Variants in CDK6 observed in about 807,000 individuals in gnomAD.
CDK6 encodes cyclin dependent kinase 6.
In CDK6, 6 loss-of-function variants were observed where a neutral mutation model predicts 37.1. The observed-to-expected ratio is 0.16, with a 90% CI of 0.09 to 0.32. The LOEUF (loss-of-function observed/expected upper bound fraction) is 0.32. CDK6 is among the 10% of genes least tolerant of loss of function. The probability of loss-of-function intolerance (pLI) is 1.00; values close to 1 mark genes in which losing one functional copy is unlikely to be tolerated. For synonymous variants in CDK6, 160 were observed against 161.3 expected (o/e 0.99, Z 0.06); for missense variants, 224 against 418.9 (o/e 0.53, Z 4.06).
At chr7:92,816,770 A>C (rs1223066826) in intron 2 of CDK6, among the ~76,000 whole-genome samples, 1 of 152,058 alleles carries the variant, frequency 6.6e-6, no homozygotes, top group Non-Finnish European at 1.5e-5. Flanking sequence ...TTAATGAAAC[A>C]AAAAACTGGA....
intron 2 of CDK6, among the ~76,000 whole-genome samples, chr7:92,824,259 C>CAT (rs1801255016): frequency 6.6e-6 from 1 of 151,756 alleles, no homozygotes; most frequent in African/African-American, 2.4e-5. Flanking sequence ...TTTTAAATGT[C>CAT]ATAAGTCAGT....
chr7:92,630,594 T>C (rs564928772), intron 5 of CDK6, among the ~76,000 whole-genome samples: 1 of 152,084 alleles, frequency 6.6e-6, no homozygotes, highest in Non-Finnish European at 1.5e-5. Context: ...TATTAAAAAA[T>C]TGGAGGCAAG....
chr7:92,638,409 T>C (rs560027798), intron 5 of CDK6, among the ~76,000 whole-genome samples: 1 of 152,196 alleles, frequency 6.6e-6, no homozygotes, highest in Non-Finnish European at 1.5e-5. Flanking sequence ...ACCCACTCAT[T>C]TGAGGCTGAA....
chr7:92,717,971 C>A (rs895080355), intron 4 of CDK6, among the ~76,000 whole-genome samples: 1 of 152,120 alleles, frequency 6.6e-6, no homozygotes, highest in Admixed American at 6.5e-5. Context: ...GTTTTATTAC[C>A]ACTGAGAACG....
In CDK6 at chr7:92,695,270, G is replaced by A. The variant is rs1797689626; in HGVS notation, c.538-23735C>T. Reference sequence around the variant, plus strand: ...TTGTTGGTGATTAAGGGACCCTGAGGTAAAAAAAAAAAAAAGAAAGAAAGA... The same window carrying A: ...TTGTTGGTGATTAAGGGACCCTGAGATAAAAAAAAAAAAAAGAAAGAAAGA... On this transcript the variant is annotated intron_variant, in intron 4 of 7. Transcript: ENST00000424848. 5.2e-5 allele frequency among the ~76,000 whole-genome samples: 7 copies of A among 134,338 alleles called. No individual in the cohort carries two copies. The South Asian group carries it at 1.3e-3, about 26-fold the overall frequency. The allele number at this position is 134,338 out of a possible 152,430, so 88.1% of individuals were successfully genotyped here. A position where few individuals can be genotyped will look rare whatever the true frequency, so the allele number is the denominator to read the frequency against.
chr7:92,716,239 G>C (rs949391488), intron 4 of CDK6, among the ~76,000 whole-genome samples: 2 of 152,226 alleles, frequency 1.3e-5, no homozygotes, highest in Non-Finnish European at 2.9e-5. Flanking sequence ...GCAGGGAGTT[G>C]TGAAAGCAAT....
intron 2 of CDK6, among the ~76,000 whole-genome samples, chr7:92,790,408 C>T (rs1800252840): frequency 6.6e-6 from 1 of 152,126 alleles, no homozygotes; most frequent in Non-Finnish European, 1.5e-5. Flanking sequence ...GTACTCATCC[C>T]CTACTCTGGT....
Position 92,835,041 on chromosome 7 carries a change from G to T in CDK6, c.-367-1351C>A, listed in dbSNP as rs565967648. 1.3e-5 allele frequency: 2 copies of T among 152,360 alleles called. No individual in the cohort carries two copies. Among genetic ancestry groups the T allele is most frequent in the African/African-American group, 2.4e-5 (1 of 41,568 alleles). The allele number at this position is 152,360 out of a possible 1,614,324, so 9.4% of individuals were successfully genotyped here. The stretch of plus-strand genomic sequence containing the variant: ...CCTCGGAATTACCTGCCTCGCAACC[G>T]CTGGCCCGCTCGCCTTTTGCCAGGA... On this transcript the variant is annotated intron_variant, in intron 1 of 7. Coordinates refer to ENST00000424848, the MANE Select transcript of CDK6 (RefSeq NM_001145306.2). This position sits in a 1 kb window ranked among gnomAD's most constrained non-coding sequence, Gnocchi z 4.2.
chr7:92,757,835 A>G (rs1026871615), intron 3 of CDK6, among the ~76,000 whole-genome samples: 2 of 152,160 alleles, frequency 1.3e-5, no homozygotes, highest in African/African-American at 4.8e-5. Flanking sequence ...TGACTTTTTA[A>G]TAATAGCCAT....
intron 2 of CDK6, among the ~76,000 whole-genome samples, chr7:92,778,110 C>CA (rs1799895633): frequency 6.6e-6 from 1 of 151,354 alleles, no homozygotes; most frequent in Non-Finnish European, 1.5e-5. Flanking sequence ...AAACCAAAAC[C>CA]AAAAACAAAA....
chr7:92,641,603 G>A (rs567739392), intron 5 of CDK6, among the ~76,000 whole-genome samples: 9 of 152,124 alleles, frequency 5.9e-5, no homozygotes, highest in African/African-American at 2.2e-4. Context: ...TTAAATGAAA[G>A]AACATAATAC....
rs3731340 is a variant in CDK6 at position 92,644,742 on chromosome 7, C to T, written c.648-21656G>A. 3.6e-3 allele frequency among the ~76,000 whole-genome samples: 544 copies of T among 152,324 alleles called. 3 individuals carry two copies. Among genetic ancestry groups the T allele is most frequent in the African/African-American group, 0.012 (504 of 41,556 alleles). ...AGGTATTCCACTGGTTCACACATTA[C>T]CAGGACCTTAGAGGTTTCTTCTATC... On this transcript the variant is annotated intron_variant, in intron 5 of 7. Coordinates refer to ENST00000424848, the MANE Select transcript of CDK6 (RefSeq NM_001145306.2).
chr7:92,606,402 G>A lies in CDK6; in HGVS notation c.*8738C>T, dbSNP rs1238708982. The A allele has an allele frequency of 8.6e-6, 2 of 233,330 alleles. No homozygotes were observed. The highest frequency in any genetic ancestry group is 1.7e-5 in the Non-Finnish European group (2 of 118,154). 14.5% of individuals were successfully genotyped at this position (233,330 alleles called of 1,614,324 possible). ...CCAGGCCTAGACAGGCACACCTGTG[G>A]TCCATGATGTGGAGGAAGATGGAGA... On this transcript the variant is annotated 3_prime_UTR_variant, in exon 8 of 8. Coordinates refer to ENST00000424848, the MANE Select transcript of CDK6 (RefSeq NM_001145306.2).
At chr7:92,768,209 C>T (rs1032664320) in intron 3 of CDK6, among the ~76,000 whole-genome samples, 11 of 151,922 alleles carry the variant, frequency 7.2e-5, no homozygotes, top group African/African-American at 2.7e-4. Flanking sequence ...ACAGTGAAAA[C>T]AAAGGATATA....
intron 2 of CDK6, among the ~76,000 whole-genome samples, chr7:92,778,012 T>A (rs1182465481): frequency 2.0e-5 from 3 of 151,996 alleles, no homozygotes; most frequent in African/African-American, 7.3e-5. Flanking sequence ...GTTCACCATG[T>A]CATCCTTCTG....
intron 3 of CDK6, among the ~76,000 whole-genome samples, chr7:92,731,083 T>C (rs10228493): frequency 0.18 from 27,146 of 150,906 alleles, 3,832 homozygotes; most frequent in African/African-American, 0.4. Context: ...GTCTGCATTC[T>C]GGGAGAATCT....
At position 92,833,930 on chromosome 7, in the gene CDK6, C is replaced by A. The variant is rs1186902342; in HGVS notation, c.-367-240G>T. 2.5e-6 allele frequency: 1 copy of A among 398,772 alleles called. No homozygotes were observed. The highest frequency in any genetic ancestry group is 4.4e-6 in the Non-Finnish European group (1 of 226,254). 24.7% of individuals were successfully genotyped at this position (398,772 alleles called of 1,614,324 possible). On this transcript the variant is annotated intron_variant, in intron 1 of 7. Coordinates refer to ENST00000424848, the MANE Select transcript of CDK6 (RefSeq NM_001145306.2). This position sits in a 1 kb window ranked among gnomAD's most constrained non-coding sequence, Gnocchi z 6.1. ...GCGCGGAGAGGTTGCAGGGGCCCCT[C>A]GGGGATGAGCGAGCGGCGCGGGACG...
At chr7:92,674,744 C>T (rs1302580848) in intron 4 of CDK6, among the ~76,000 whole-genome samples, 1 of 152,168 alleles carries the variant, frequency 6.6e-6, no homozygotes, top group African/African-American at 2.4e-5. Context: ...ATCTTTCTAC[C>T]TCAATTCAAA....
At chr7:92,633,678 G>A (rs1796106330) in intron 5 of CDK6, among the ~76,000 whole-genome samples, 1 of 151,102 alleles carries the variant, frequency 6.6e-6, no homozygotes, top group Admixed American at 6.6e-5. Context: ...TTTAGGAAAT[G>A]GAAGTGTCAA....
Sources: gnomAD v4.1 joint callset for allele counts (sites outside exome capture counted in the v4.1 genomes callset) on GRCh38, gnomAD v4.1.1 for gene constraint, Gnocchi (gnomAD v3.1) non-coding constraint, MANE v1.5 for transcripts, NCBI Gene and HGNC (gene_info 2026-07-23, HGNC 2026-07-21) for gene names.